Variants in NELFB observed in about 807,000 individuals in gnomAD.
NELFB encodes the protein negative elongation factor B.
In NELFB, 34 loss-of-function variants were observed where a neutral mutation model predicts 60.2. That is an observed-to-expected ratio of 0.56 (90% CI 0.43 to 0.75). NELFB has a LOEUF of 0.75. Among genes scored for constraint, NELFB ranks in the 30% least tolerant of loss-of-function variants. NELFB has a pLI of 0.00. For synonymous variants in NELFB, 459 were observed against 382.1 expected (o/e 1.20, Z -2.35); for missense variants, 770 against 831.6 (o/e 0.93, Z 0.91).
At chr9:137,266,469 T>C (rs768176709) in intron 8 of NELFB, 43 bp downstream of exon 8, 3 of 1,566,266 alleles carry the variant, frequency 1.9e-6, no homozygotes, top group African/African-American at 1.4e-5. Context: ...CTACGAGGGG[T>C]TGTGGGCTGG....
rs56873736 is a variant in NELFB, at chr9:137,261,657, CA to C, written c.742-1360del. ...TGGGTGACAGCGCAAGACTCCGTCT[CA>C]AAAAAAAAAAAAAAAAAAATTGATT... On this transcript the variant is annotated intron_variant, in intron 4 of 12. Transcript: ENST00000343053. 1.8e-3 allele frequency among the ~76,000 whole-genome samples: 254 copies of C among 140,244 alleles called. 2 individuals carry two copies. Among genetic ancestry groups the C allele is most frequent in the African/African-American group, 6.0e-3 (212 of 35,542 alleles). The allele number at this position is 140,244 out of a possible 152,430, so 92.0% of individuals were successfully genotyped here.
intron 7 of NELFB, 132 bp downstream of exon 7, chr9:137,266,111 G>C: frequency 1.2e-6 from 1 of 804,510 alleles, no homozygotes; most frequent in South Asian, 1.6e-5. Context: ...CCTGCTGGCT[G>C]CTCTGGTGGT....
Position 137,272,059 on chromosome 9 carries a change from CTGA to C in NELFB, c.1490-19_1490-17del. 6.2e-7 allele frequency: 1 copy of C among 1,613,926 alleles called. No individual in the cohort carries two copies. The highest frequency in any genetic ancestry group is 8.5e-7 in the Non-Finnish European group (1 of 1,179,868). On this transcript the variant is annotated intron_variant, in intron 10 of 12. Coordinates refer to ENST00000343053, the MANE Select transcript of NELFB (RefSeq NM_015456.5). ...GGTGGGCAGGGTGAGTGGCACTGGG[CTGA>C]TGCCTGCTGTGTCTGCAGTGGAGAC...
chr9:137,256,798 C>CA (rs1564441389), intron 3 of NELFB, 26 bp from the exon 4 acceptor site: 1 of 1,607,460 alleles, frequency 6.2e-7, no homozygotes, highest in Non-Finnish European at 8.5e-7. Flanking sequence ...AGGTGCCACT[C>CA]ACAGGCAGCC....
intron 10 of NELFB, 87 bp downstream of exon 10, chr9:137,267,433 C>G (rs1485221719): frequency 8.5e-7 from 1 of 1,176,432 alleles, no homozygotes; most frequent in African/African-American, 1.6e-5. Context: ...CCCCAGGGCC[C>G]CCAGGAGCTG....
At chr9:137,264,134 G>A (rs1328485481) in intron 5 of NELFB, 111 bp from the exon 6 acceptor site, 16 of 767,412 alleles carry the variant, frequency 2.1e-5, no homozygotes, top group Non-Finnish European at 3.2e-5. Context: ...GCCGCCCCCC[G>A]CAGCAGCTAT....
chr9:137,272,268 T>C (rs767427682), intron 11 of NELFB, 46 bp downstream of exon 11: 4 of 1,605,360 alleles, frequency 2.5e-6, no homozygotes, highest in Non-Finnish European at 3.4e-6. Context: ...CTCTCAGCTC[T>C]TGTCCGTAGC....
At chr9:137,263,277 C>T (rs1240794720) in intron 5 of NELFB, 55 bp downstream of exon 5, 12 of 1,514,530 alleles carry the variant, frequency 7.9e-6, no homozygotes, top group African/African-American at 5.7e-5. Flanking sequence ...TGCTGCCCTC[C>T]CTCCCTCCTT....
chr9:137,261,799 G>A (rs1378505872), intron 4 of NELFB, among the ~76,000 whole-genome samples: 2 of 152,078 alleles, frequency 1.3e-5, no homozygotes, highest in Non-Finnish European at 2.9e-5. Flanking sequence ...GGGCCCGGGG[G>A]ACCATTACCA....
At chr9:137,266,598 G>A (rs1830520158) in intron 8 of NELFB, among the ~76,000 whole-genome samples, 172 bp downstream of exon 8, 1 of 152,098 alleles carries the variant, frequency 6.6e-6, no homozygotes, top group Non-Finnish European at 1.5e-5. Flanking sequence ...GGAGGTTCTG[G>A]GGTGTCTCCG....
Position 137,256,892 on chromosome 9 carries a change from G to A in NELFB, c.579G>A (p.Val193=), listed in dbSNP as rs1293891236. 12 of 1,614,112 alleles carry A rather than the reference G, an allele frequency of 7.4e-6. No homozygotes were observed. The highest frequency in any genetic ancestry group is 9.3e-6 in the Non-Finnish European group (11 of 1,180,058). Residue 193 remains valine, a synonymous_variant, in exon 4 of 13, where the codon GTG becomes GTA. Coordinates refer to ENST00000343053, the MANE Select transcript of NELFB (RefSeq NM_015456.5). Reference sequence around the variant, plus strand: ...TGTATCGAGCCTGCGCCGTGGAGGTGAAGCGGCAGATCTGGCAAGACAACC... The same window carrying A: ...TGTATCGAGCCTGCGCCGTGGAGGTAAAGCGGCAGATCTGGCAAGACAACC...
chr9:137,256,752 GCCT>G, intron 3 of NELFB, 69 bp from the exon 4 acceptor site: 1 of 1,439,516 alleles, frequency 6.9e-7, no homozygotes, highest in East Asian at 2.4e-5. Flanking sequence ...CGGGGCTGAG[GCCT>G]CTTGGCTTGT....
intron 4 of NELFB, among the ~76,000 whole-genome samples, chr9:137,262,148 CAG>C (rs1056956748): frequency 3.7e-4 from 57 of 152,340 alleles, no homozygotes; most frequent in African/African-American, 1.4e-3. Context: ...CACAGCATCA[CAG>C]GGAGACGGTT....
intron 1 of NELFB, 103 bp downstream of exon 1, chr9:137,255,714 G>A: frequency 7.0e-7 from 1 of 1,434,026 alleles, no homozygotes. Context: ...GCTTTCTGCT[G>A]GTGGCTGAGT....
At chr9:137,257,607 A>G (rs1157779287) in intron 4 of NELFB, among the ~76,000 whole-genome samples, 1 of 151,240 alleles carries the variant, frequency 6.6e-6, no homozygotes, top group Non-Finnish European at 1.5e-5. Flanking sequence ...GGTTCAAGCA[A>G]TTCTCCTGCC....
At chr9:137,267,435 C>A in intron 10 of NELFB, 89 bp downstream of exon 10, 1 of 1,129,310 alleles carries the variant, frequency 8.9e-7, no homozygotes, top group Non-Finnish European at 1.3e-6. Flanking sequence ...CCAGGGCCCC[C>A]AGGAGCTGCC....
At chr9:137,262,002 G>GAGAAAC (rs1330373106) in intron 4 of NELFB, among the ~76,000 whole-genome samples, 3 of 152,040 alleles carry the variant, frequency 2.0e-5, no homozygotes, top group African/African-American at 7.3e-5. Context: ...AGAGGAGAGA[G>GAGAAAC]AGAAACAGCT....
chr9:137,262,950 G>C, intron 4 of NELFB, 87 bp from the exon 5 acceptor site: 1 of 1,437,662 alleles, frequency 7.0e-7, no homozygotes, highest in Non-Finnish European at 9.6e-7. Flanking sequence ...TGTCCAGAGA[G>C]AGGGCCGCGC....
intron 4 of NELFB, among the ~76,000 whole-genome samples, chr9:137,259,170 G>A (rs1260714120): frequency 1.3e-5 from 2 of 152,118 alleles, no homozygotes; most frequent in Non-Finnish European, 2.9e-5. Flanking sequence ...CAACCTGGGC[G>A]ACAGAGTGAG....
Sources: gnomAD v4.1 joint callset for allele counts (sites outside exome capture counted in the v4.1 genomes callset) on GRCh38, gnomAD v4.1.1 for gene constraint, MANE v1.5 for transcripts, NCBI Gene and HGNC (gene_info 2026-07-23, HGNC 2026-07-21) for gene names.